MINDY4B: variants seen among roughly 807,000 people sequenced by gnomAD.
MINDY4B encodes the protein inactive ubiquitin carboxyl-terminal hydrolase MINDY-4B.
MINDY4B carries 25 observed loss-of-function variants against 16.7 expected under a neutral mutation model. The observed-to-expected ratio is 1.49, with a 90% CI of 1.09 to 2.09. The LOEUF is 2.09. MINDY4B is among the 30% of genes most tolerant of loss of function. The probability of loss-of-function intolerance (pLI) is 0.00; values close to 1 mark genes in which losing one functional copy is unlikely to be tolerated. For missense variants in MINDY4B, 327 were observed against 168.4 expected, an observed-to-expected ratio of 1.94 and a Z score of -5.21; for synonymous variants, 132 against 61.9, an observed-to-expected ratio of 2.13 and a Z score of -5.32.
At chr3:150,896,628 T>C (rs956694005) in intron 3 of MINDY4B, among the ~76,000 whole-genome samples, 1 of 152,168 alleles carries the variant, frequency 6.6e-6, no homozygotes, top group Admixed American at 6.5e-5. Flanking sequence ...TCCTGAGAGC[T>C]GCAGTGATTG....
intron 7 of MINDY4B, 38 bp from the exon 8 acceptor site, chr3:150,885,476 A>T (rs923419027): frequency 1.0e-5 from 7 of 693,192 alleles, no homozygotes; most frequent in African/African-American, 1.9e-5. Context: ...TTGGTCTAAA[A>T]GCAACACAGA....
At chr3:150,873,454 GCT>G in intron 10 of MINDY4B, 87 bp from the exon 11 acceptor site, 1 of 640,224 alleles carries the variant, frequency 1.6e-6, no homozygotes, top group South Asian at 1.8e-5. Context: ...CCAAAAAGCA[GCT>G]CTGAGGTTTC....
At chr3:150,885,548 C>T (rs751254118) in intron 7 of MINDY4B, 110 bp from the exon 8 acceptor site, 3 of 663,460 alleles carry the variant, frequency 4.5e-6, no homozygotes, top group South Asian at 1.7e-5. Flanking sequence ...TTCCCCCTGG[C>T]TGCTGAAAGG....
At chr3:150,893,561 C>T (rs1559967906) in intron 4 of MINDY4B, 146 bp from the exon 5 acceptor site, 10 of 646,880 alleles carry the variant, frequency 1.5e-5, no homozygotes, top group African/African-American at 3.6e-5. Flanking sequence ...TCCCTGCAGC[C>T]GTGGCTGGTG....
intron 10 of MINDY4B, among the ~76,000 whole-genome samples, chr3:150,874,125 C>T (rs1017201954): frequency 4.6e-5 from 7 of 151,248 alleles, no homozygotes; most frequent in Non-Finnish European, 1.0e-4. Context: ...AAGTGATCCT[C>T]CCGCCTCAGC....
At chr3:150,875,932 A>G (rs1220543) in intron 10 of MINDY4B, among the ~76,000 whole-genome samples, 150,728 of 152,360 alleles carry the variant, frequency 0.99, 74,562 homozygotes, top group East Asian at 1. Flanking sequence ...TTGGCACACC[A>G]TATAAGCAGT....
chr3:150,883,143 T>A (rs369573505), intron 9 of MINDY4B, 85 bp from the exon 10 acceptor site: 130 of 575,748 alleles, frequency 2.3e-4, no homozygotes, highest in African/African-American at 2.1e-3. Context: ...TCATTAAAAA[T>A]TATTTTTAGT....
intron 3 of MINDY4B, among the ~76,000 whole-genome samples, chr3:150,897,502 A>C (rs917876484): frequency 6.6e-6 from 1 of 152,128 alleles, no homozygotes; most frequent in Non-Finnish European, 1.5e-5. Context: ...CGTGGAGCTC[A>C]ATGGGCCCAG....
At chr3:150,900,239 G>A (rs1451518503) in intron 3 of MINDY4B, among the ~76,000 whole-genome samples, 1 of 152,206 alleles carries the variant, frequency 6.6e-6, no homozygotes, top group African/African-American at 2.4e-5. Context: ...AGCAAAAGGT[G>A]AGAAACAGGA....
At chr3:150,896,442 G>A (rs1711969433) in intron 3 of MINDY4B, among the ~76,000 whole-genome samples, 2 of 152,002 alleles carry the variant, frequency 1.3e-5, no homozygotes, top group South Asian at 4.1e-4. Context: ...TGGGGGAAGG[G>A]GGGCATTAAA....
At chr3:150,894,090 A>G in intron 4 of MINDY4B, 96 bp downstream of exon 4, 1 of 553,372 alleles carries the variant, frequency 1.8e-6, no homozygotes, top group Admixed American at 3.4e-5. Context: ...ACATGATTAT[A>G]ATGAAGACAT....
chr3:150,901,131 A>C (rs1489441117), intron 3 of MINDY4B: 1 of 152,358 alleles, frequency 6.6e-6, no homozygotes, highest in Non-Finnish European at 1.5e-5. Context: ...AAATTTTAAA[A>C]TGACATTCTC....
At chr3:150,892,841 G>A (rs144427950) in intron 5 of MINDY4B, among the ~76,000 whole-genome samples, 2,082 of 151,068 alleles carry the variant, frequency 0.014, 53 homozygotes, top group African/African-American at 0.048. Context: ...TCAGGAGGCC[G>A]AGGCAGGAGA....
intron 3 of MINDY4B, among the ~76,000 whole-genome samples, chr3:150,895,544 C>T (rs1711937904): frequency 6.6e-6 from 1 of 152,176 alleles, no homozygotes; most frequent in South Asian, 2.1e-4. Context: ...TGGCTCACTG[C>T]AACCTCAGCC....
chr3:150,871,386 T>C (rs1476490631), intron 11 of MINDY4B, among the ~76,000 whole-genome samples, 199 bp from the exon 12 acceptor site: 1 of 151,992 alleles, frequency 6.6e-6, no homozygotes, highest in East Asian at 1.9e-4. Context: ...GTAGCCTGGG[T>C]TGTTGTGCAT....
At chr3:150,898,167 C>T (rs2107909931) in intron 3 of MINDY4B, among the ~76,000 whole-genome samples, 2 of 152,326 alleles carry the variant, frequency 1.3e-5, no homozygotes, top group East Asian at 3.9e-4. Flanking sequence ...GGTGTTATTA[C>T]CTTTGTGAAA....
chr3:150,876,541 G>A (rs895330679), intron 10 of MINDY4B, among the ~76,000 whole-genome samples: 12 of 152,158 alleles, frequency 7.9e-5, no homozygotes, highest in Non-Finnish European at 1.3e-4. Flanking sequence ...TTCTCACTGA[G>A]TTTGCAGGTA....
chr3:150,883,096 AG>A (rs1171090664), intron 9 of MINDY4B, 38 bp from the exon 10 acceptor site: 3 of 622,458 alleles, frequency 4.8e-6, no homozygotes, highest in Non-Finnish European at 5.8e-6. Context: ...TATTTTAGAT[AG>A]CAATGAAACA....
intron 8 of MINDY4B, among the ~76,000 whole-genome samples, chr3:150,884,412 A>T (rs759639668): frequency 2.0e-5 from 3 of 152,246 alleles, no homozygotes; most frequent in Non-Finnish European, 4.4e-5. Context: ...ACTTGGGTCA[A>T]GCATGGTGAG....
Sources: gnomAD v4.1 joint callset for allele counts (sites outside exome capture counted in the v4.1 genomes callset) on GRCh38, gnomAD v4.1.1 for gene constraint, MANE v1.5 for transcripts, NCBI Gene and HGNC (gene_info 2026-07-23, HGNC 2026-07-21) for gene names.